The following TMCO4 variants were observed in gnomAD, a reference collection of about 807,000 sequenced individuals.
TMCO4 encodes transmembrane and coiled-coil domain-containing protein 4.
TMCO4 carries 58 observed loss-of-function variants against 64.7 expected under a neutral mutation model. The ratio of observed to expected loss-of-function variants is 0.90; its 90% CI spans 0.73 to 1.12. The LOEUF is 1.12. Among genes scored for constraint, TMCO4 ranks in the 50% most tolerant of loss-of-function variants. TMCO4 has a pLI of 0.00. For synonymous variants in TMCO4, 325 were observed against 346.1 expected (o/e 0.94, Z 0.68); for missense variants, 780 against 825.9 (o/e 0.94, Z 0.68).
chr1:19,752,098 C>T (rs529845133), intron 7 of TMCO4, among the ~76,000 whole-genome samples: 5 of 152,030 alleles, frequency 3.3e-5, no homozygotes, highest in South Asian at 4.2e-4. Context: ...TCCCAGACAT[C>T]GTTCATTATT....
intron 10 of TMCO4, among the ~76,000 whole-genome samples, chr1:19,742,279 T>G (rs187747777): frequency 1.3e-5 from 2 of 152,218 alleles, no homozygotes; most frequent in Non-Finnish European, 2.9e-5. Context: ...CTGTTTGACG[T>G]GTGCCTCTCC....
intron 14 of TMCO4, among the ~76,000 whole-genome samples, chr1:19,700,441 C>T (rs571036221): frequency 1.4e-4 from 22 of 152,324 alleles, no homozygotes; most frequent in African/African-American, 5.3e-4. Context: ...GTTTTTCAGT[C>T]TGTGTTCCAC....
In TMCO4 at chr1:19,740,715, C is replaced by T. The variant is rs545553869; in HGVS notation, c.1042+62G>A. On this transcript the variant is annotated intron_variant, in intron 11 of 15. Coordinates refer to ENST00000294543, the MANE Select transcript of TMCO4 (RefSeq NM_181719.7). ...GCTTTGGGCATGCAAAACTATGGTA[C>T]CACTGTGTTGGGATGAAGGCAGTGG... The T allele has an allele frequency of 1.3e-4, 207 of 1,543,518 alleles. No individual in the cohort carries two copies. The Middle Eastern group carries it at 2.1e-3, about 16-fold the overall frequency.
At chr1:19,701,791 C>T (rs1280322111) in intron 13 of TMCO4, among the ~76,000 whole-genome samples, 1 of 152,050 alleles carries the variant, frequency 6.6e-6, no homozygotes, top group Non-Finnish European at 1.5e-5. Context: ...TCGTCCGCTG[C>T]ATCGATCTAA....
intron 6 of TMCO4, among the ~76,000 whole-genome samples, chr1:19,768,873 C>T (rs2042861062): frequency 6.6e-6 from 1 of 152,140 alleles, no homozygotes; most frequent in Non-Finnish European, 1.5e-5. Flanking sequence ...GCCGATGCTG[C>T]TGGGTCCACA....
Position 19,739,817 on chromosome 1 carries a change from C to T in TMCO4, c.1179+7G>A. The T allele has an allele frequency of 6.2e-7, 1 of 1,612,070 alleles. No individual in the cohort carries two copies. Among genetic ancestry groups the T allele is most frequent in the Non-Finnish European group, 8.5e-7 (1 of 1,179,206 alleles). ...AATGCCACGCCCACACAGCCATTCC[C>T]AGGTACCTGCTGCCGGGAGAGCAGG... On this transcript the variant is annotated splice_region_variant and intron_variant, in intron 12 of 15. Transcript: ENST00000294543.
chr1:19,715,816 G>T (rs2095353122), intron 13 of TMCO4, among the ~76,000 whole-genome samples: 1 of 152,180 alleles, frequency 6.6e-6, no homozygotes, highest in South Asian at 2.1e-4. Flanking sequence ...TAAGCCCCGG[G>T]CATCTCCCTG....
intron 13 of TMCO4, 56 bp downstream of exon 13, chr1:19,737,315 TG>T: frequency 6.5e-7 from 1 of 1,548,862 alleles, no homozygotes; most frequent in East Asian, 2.3e-5. Flanking sequence ...CCAGAACATC[TG>T]TCCCTGGGAA....
chr1:19,762,398 C>A (rs2042546677), intron 6 of TMCO4, among the ~76,000 whole-genome samples: 1 of 152,086 alleles, frequency 6.6e-6, no homozygotes, highest in Non-Finnish European at 1.5e-5. Flanking sequence ...CAGAAGTGTG[C>A]CAGACACCCA....
At chr1:19,726,276 G>A (rs1380833742) in intron 13 of TMCO4, among the ~76,000 whole-genome samples, 1 of 152,196 alleles carries the variant, frequency 6.6e-6, no homozygotes, top group Non-Finnish European at 1.5e-5. Flanking sequence ...GGAGGCAGCT[G>A]AACACAGTGC....
At chr1:19,693,025 T>A (rs777729556) in intron 15 of TMCO4, among the ~76,000 whole-genome samples, 1 of 149,946 alleles carries the variant, frequency 6.7e-6, no homozygotes, top group Non-Finnish European at 1.5e-5. Context: ...TACAAAAAAT[T>A]AGCTAGATGT....
chr1:19,767,095 T>C (rs1416702624), intron 6 of TMCO4, among the ~76,000 whole-genome samples: 1 of 152,230 alleles, frequency 6.6e-6, no homozygotes, highest in South Asian at 2.1e-4. Context: ...TATATTCCCA[T>C]GGGGATGCTT....
chr1:19,702,285 C>CAAAAAA (rs71010505), intron 13 of TMCO4, among the ~76,000 whole-genome samples: 1,270 of 102,816 alleles, frequency 0.012, 51 homozygotes, highest in African/African-American at 0.025. Flanking sequence ...CTTGTCTTTA[C>CAAAAAA]AAAAAAAAAA....
At chr1:19,776,918 T>C (rs2043231869) in intron 4 of TMCO4, among the ~76,000 whole-genome samples, 1 of 148,650 alleles carries the variant, frequency 6.7e-6, no homozygotes, top group South Asian at 2.1e-4. Flanking sequence ...TCCCAGCTAT[T>C]CAAGAAGCTG....
intron 13 of TMCO4, among the ~76,000 whole-genome samples, chr1:19,706,379 TG>T (rs2095303526): frequency 6.6e-6 from 1 of 152,250 alleles, no homozygotes; most frequent in Non-Finnish European, 1.5e-5. Context: ...TTTCACTGCA[TG>T]GACAATGAGT....
intron 10 of TMCO4, among the ~76,000 whole-genome samples, chr1:19,741,387 C>T (rs1311922267): frequency 6.6e-6 from 1 of 152,208 alleles, no homozygotes; most frequent in Admixed American, 6.5e-5. Context: ...CAGCACAGCG[C>T]TGTGAGTCTG....
rs181138143 is a variant in TMCO4, at chr1:19,751,892, C to T, written c.515+3742G>A. Among the ~76,000 whole-genome samples the T allele has an allele frequency of 4.6e-3, 693 of 151,810 alleles. 6 individuals are homozygous for T. The highest frequency in any genetic ancestry group is 0.015 in the African/African-American group (619 of 41,382). ...TGAAACCCAGTCTCTACTAAAAATA[C>T]AAAAAATTAGCTGGGCGTGGTGGCG... On this transcript the variant is annotated intron_variant, in intron 7 of 15. Coordinates refer to ENST00000294543, the MANE Select transcript of TMCO4 (RefSeq NM_181719.7).
intron 13 of TMCO4, among the ~76,000 whole-genome samples, chr1:19,728,985 T>C (rs907143549): frequency 6.6e-6 from 1 of 152,130 alleles, no homozygotes; most frequent in South Asian, 2.1e-4. Context: ...AGTTCTAATA[T>C]GTGTTCAGGA....
intron 13 of TMCO4, among the ~76,000 whole-genome samples, chr1:19,705,507 CGAT>C (rs1040748193): frequency 2.0e-5 from 3 of 149,352 alleles, no homozygotes; most frequent in African/African-American, 7.4e-5. Context: ...ACACAATAGT[CGAT>C]GAGATAAAAA....
Sources: allele counts gnomAD v4.1 joint callset (sites outside exome capture counted in the v4.1 genomes callset), GRCh38; gene constraint gnomAD v4.1.1; transcripts MANE v1.5; gene names NCBI Gene and HGNC (gene_info 2026-07-23, HGNC 2026-07-21).